The following SGCD variants were observed in gnomAD, a reference collection of about 807,000 sequenced individuals.
The protein encoded by SGCD is delta-sarcoglycan.
A neutral mutation model predicts 36.6 loss-of-function variants in SGCD; 18 were observed. The ratio of observed to expected loss-of-function variants is 0.49; its 90% CI spans 0.34 to 0.73. The LOEUF (loss-of-function observed/expected upper bound fraction) is 0.73, where lower values mean the gene tolerates loss of function less well. Ranked by LOEUF, SGCD falls within the 30% of genes least tolerant of loss-of-function variation. The probability of loss-of-function intolerance (pLI) is 0.01; values close to 1 mark genes in which losing one functional copy is unlikely to be tolerated. For missense variants in SGCD, 387 were observed against 346.7 expected (o/e 1.12, Z -0.92); for synonymous variants, 133 against 130.6 (o/e 1.02, Z -0.12).
chr5:156,472,932 G>A (rs933709308), intron 3 of SGCD, among the ~76,000 whole-genome samples: 1 of 152,040 alleles, frequency 6.6e-6, no homozygotes, highest in Non-Finnish European at 1.5e-5. Context: ...TTGAAATGGT[G>A]GTTTCATGAG....
intron 7 of SGCD, among the ~76,000 whole-genome samples, chr5:156,682,600 C>A (rs1391068899): frequency 6.6e-6 from 1 of 152,116 alleles, no homozygotes; most frequent in Non-Finnish European, 1.5e-5. Context: ...GTGACCAAGA[C>A]AAAAAGAATG....
intron 3 of SGCD, among the ~76,000 whole-genome samples, chr5:156,168,737 T>C (rs969076827): frequency 6.6e-6 from 1 of 152,238 alleles, no homozygotes; most frequent in Non-Finnish European, 1.5e-5. Flanking sequence ...AAACCAGTCC[T>C]GGACTGATTA....
intron 1 of SGCD, among the ~76,000 whole-genome samples, chr5:156,080,004 A>T (rs757715941): frequency 3.3e-5 from 5 of 152,220 alleles, no homozygotes; most frequent in Non-Finnish European, 7.3e-5. Context: ...TTCTGCCTGG[A>T]CACCCAGGCT....
chr5:156,441,917 G>A (rs1158302203), intron 3 of SGCD, among the ~76,000 whole-genome samples: 1 of 152,170 alleles, frequency 6.6e-6, no homozygotes, highest in East Asian at 1.9e-4. Context: ...AGAAATGACT[G>A]TGACTGTGCA....
At chr5:156,727,300 C>G (rs1000477810) in intron 7 of SGCD, among the ~76,000 whole-genome samples, 5 of 152,158 alleles carry the variant, frequency 3.3e-5, no homozygotes, top group African/African-American at 1.2e-4. Flanking sequence ...GGATGAGGAA[C>G]TCAAACTGAT....
intron 4 of SGCD, among the ~76,000 whole-genome samples, chr5:156,553,788 C>T (rs1758890968): frequency 6.6e-6 from 1 of 152,148 alleles, no homozygotes; most frequent in African/African-American, 2.4e-5. Flanking sequence ...TATATCTGTA[C>T]TTCATTGCTT....
chr5:155,858,698 A>G, the SGCD span, among the ~76,000 whole-genome samples: 2 of 152,216 alleles, frequency 1.3e-5, no homozygotes, highest in African/African-American at 2.4e-5. Context: ...TGTGTGATAA[A>G]AATCCCAGCT....
intron 6 of SGCD, among the ~76,000 whole-genome samples, chr5:156,643,764 A>G (rs1248514941): frequency 3.9e-5 from 6 of 152,176 alleles, no homozygotes. Flanking sequence ...TTATAATCTA[A>G]TATGGGTATA....
At chr5:156,729,482 A>T (rs1454707979) in intron 7 of SGCD, among the ~76,000 whole-genome samples, 1 of 152,172 alleles carries the variant, frequency 6.6e-6, no homozygotes, top group Non-Finnish European at 1.5e-5. Context: ...TGATGATGGG[A>T]TCTATCTCTC....
At chr5:156,520,767 C>T (rs1757368182) in intron 4 of SGCD, among the ~76,000 whole-genome samples, 1 of 151,942 alleles carries the variant, frequency 6.6e-6, no homozygotes, top group African/African-American at 2.4e-5. Context: ...CCTGTAATCC[C>T]AGCACTTTGG....
At chr5:155,825,647 G>C in the SGCD span, among the ~76,000 whole-genome samples, 1 of 151,914 alleles carries the variant, frequency 6.6e-6, no homozygotes, top group East Asian at 1.9e-4. Context: ...GGATTATTTT[G>C]TACACTGCTA....
intron 3 of SGCD, among the ~76,000 whole-genome samples, chr5:156,140,489 C>G (rs1465187335): frequency 6.6e-6 from 1 of 152,164 alleles, no homozygotes; most frequent in East Asian, 1.9e-4. Flanking sequence ...AAAGGACATC[C>G]TTCTTATACA....
At chr5:156,352,067 C>T (rs1231558593) in intron 3 of SGCD, among the ~76,000 whole-genome samples, 1 of 152,170 alleles carries the variant, frequency 6.6e-6, no homozygotes, top group Non-Finnish European at 1.5e-5. Flanking sequence ...AAGTCTCATT[C>T]TAATAGAGAG....
chr5:156,131,096 A>G (rs1762310141), intron 3 of SGCD, among the ~76,000 whole-genome samples: 1 of 152,192 alleles, frequency 6.6e-6, no homozygotes, highest in Admixed American at 6.5e-5. Flanking sequence ...TTCTGCCCTC[A>G]AGGATCATTG....
At chr5:155,951,983 T>C (rs971368845) in intron 1 of SGCD, among the ~76,000 whole-genome samples, 8 of 152,210 alleles carry the variant, frequency 5.3e-5, no homozygotes, top group African/African-American at 1.9e-4. Context: ...ACCCTGGTGC[T>C]GCTACTTTAG....
intron 3 of SGCD, among the ~76,000 whole-genome samples, chr5:156,138,462 A>G (rs970576683): frequency 5.3e-5 from 8 of 152,098 alleles, no homozygotes; most frequent in Non-Finnish European, 1.2e-4. Flanking sequence ...GATATATTCT[A>G]TTGTTTCTGG....
intron 1 of SGCD, among the ~76,000 whole-genome samples, chr5:156,097,546 T>G (rs1761411499): frequency 6.6e-6 from 1 of 152,196 alleles, no homozygotes; most frequent in Non-Finnish European, 1.5e-5. Flanking sequence ...TTATAGTATT[T>G]TTTTGTTCTA....
rs1355407669 is a variant in SGCD, at chr5:156,052,745, G to A, written c.-281-65133G>A. Reference sequence around the variant, plus strand: ...AAAGTGCCATTAAAGGTACTAAAGTGTAAAACTGTTTGCTTTCTTCCATGT... The same window carrying A: ...AAAGTGCCATTAAAGGTACTAAAGTATAAAACTGTTTGCTTTCTTCCATGT... On this transcript the variant is annotated intron_variant, in intron 1 of 9. Transcript: ENST00000517913. Among the ~76,000 whole-genome samples the A allele has an allele frequency of 1.4e-5, 2 of 146,016 alleles. 1 individual carries two copies. The highest frequency in any genetic ancestry group is 3.1e-5 in the Non-Finnish European group (2 of 64,814).
the SGCD span, among the ~76,000 whole-genome samples, chr5:155,804,990 G>T: frequency 6.6e-6 from 1 of 152,162 alleles, no homozygotes; most frequent in African/African-American, 2.4e-5. Flanking sequence ...GCCACATGTG[G>T]CTTTTGAGCT....
Sources: allele counts gnomAD v4.1 joint callset (sites outside exome capture counted in the v4.1 genomes callset), GRCh38; gene constraint gnomAD v4.1.1; transcripts MANE v1.5; gene names NCBI Gene and HGNC (gene_info 2026-07-23, HGNC 2026-07-21).